Variants in SMIM35 observed in about 807,000 individuals in gnomAD.
SMIM35 encodes small integral membrane protein 35.
intron 2 of SMIM35, among the ~76,000 whole-genome samples, chr11:118,015,452 G>A (rs189470225): frequency 6.6e-6 from 1 of 152,234 alleles, no homozygotes; most frequent in East Asian, 1.9e-4. Flanking sequence ...GAGGGAGGAG[G>A]AAGCTGGCTG....
At chr11:118,009,216 AC>A (rs2058138640) in intron 4 of SMIM35, among the ~76,000 whole-genome samples, 1 of 151,896 alleles carries the variant, frequency 6.6e-6, no homozygotes, top group Non-Finnish European at 1.5e-5. Flanking sequence ...ACACAAGGAG[AC>A]CCCAAAAAGA....
rs2058113374 is a variant in SMIM35 at position 118,004,781 on chromosome 11, G to A, written c.*1629C>T. The A allele has an allele frequency of 1.3e-5, 2 of 152,228 alleles. No individual in the cohort carries two copies. The highest frequency in any genetic ancestry group is 2.1e-4 in the South Asian group (1 of 4,828). The allele number at this position is 152,228 out of a possible 1,614,324, so 9.4% of individuals were successfully genotyped here. ...ATCGAGTCACAGGAGCCACGGCTGTGTTTGGCATCTGTCTTGCAGAGCCCA... is the reference window on the plus strand; with the variant it reads ...ATCGAGTCACAGGAGCCACGGCTGTATTTGGCATCTGTCTTGCAGAGCCCA... On this transcript the variant is annotated 3_prime_UTR_variant, in exon 5 of 5. Coordinates refer to ENST00000689828, the MANE Select transcript of SMIM35 (RefSeq NM_001394165.1).
chr11:118,016,542 G>A (rs2058184888), intron 1 of SMIM35, among the ~76,000 whole-genome samples: 1 of 152,176 alleles, frequency 6.6e-6, no homozygotes, highest in African/African-American at 2.4e-5. Context: ...CAGGAGTGTG[G>A]AAGAATGGAG....
At chr11:118,029,883 A>C (rs1451269603) in intron 1 of SMIM35, 1 of 436,060 alleles carries the variant, frequency 2.3e-6, no homozygotes, top group Non-Finnish European at 4.6e-6. Context: ...CACATCACCA[A>C]GTGTTCTTTA....
At chr11:118,056,115 G>T (rs970091091) in intron 1 of SMIM35, among the ~76,000 whole-genome samples, 1 of 152,164 alleles carries the variant, frequency 6.6e-6, no homozygotes, top group African/African-American at 2.4e-5. Context: ...CGATCAAGTG[G>T]TGGATGGGGC....
chr11:118,019,229 T>C (rs1272585891), intron 1 of SMIM35, among the ~76,000 whole-genome samples: 1 of 152,222 alleles, frequency 6.6e-6, no homozygotes, highest in African/African-American at 2.4e-5. Context: ...GGGACCAGGT[T>C]TACTTTCCTA....
rs965261119 is a variant in SMIM35 at position 118,015,698 on chromosome 11, C to T, written c.119G>A (p.Trp40Ter). The T allele has an allele frequency of 7.5e-6, 3 of 399,182 alleles. No homozygotes were observed. Among genetic ancestry groups the T allele is most frequent in the African/African-American group, 6.2e-5 (3 of 48,628 alleles). The allele number at this position is 399,182 out of a possible 1,614,324, so 24.7% of individuals were successfully genotyped here. A position where few individuals can be genotyped will look rare whatever the true frequency, so the allele number is the denominator to read the frequency against. ...AGGGCCCAGTGCACACTCACCCTCC[C>T]AGCAGTACCCGCGCTGGTACCACTT... ...LAKWYQRGYC[W>*]EGPNFVFNLY... The change falls in exon 2 of 5, where the codon TGG becomes TAG. Residue 40 changes from tryptophan (W) to a stop codon, truncating the protein, a stop_gained. Transcript: ENST00000689828. LOFTEE classifies it high-confidence loss of function.
At chr11:118,078,262 G>A (rs1042208197) in intron 1 of SMIM35, among the ~76,000 whole-genome samples, 40 of 152,080 alleles carry the variant, frequency 2.6e-4, no homozygotes, top group Admixed American at 5.2e-4. Flanking sequence ...TGGGTCTGAG[G>A]AGGAACCCAG....
chr11:118,047,202 C>T (rs1289203601), intron 1 of SMIM35, among the ~76,000 whole-genome samples: 2 of 152,112 alleles, frequency 1.3e-5, no homozygotes, highest in Non-Finnish European at 2.9e-5. Flanking sequence ...TGTGCATCTG[C>T]GAGGGTCTAA....
chr11:118,024,330 C>G (rs1326888254), intron 1 of SMIM35, among the ~76,000 whole-genome samples: 3 of 152,138 alleles, frequency 2.0e-5, no homozygotes, highest in East Asian at 3.8e-4. Context: ...TCAACCGACC[C>G]TCCGTAAGAA....
At chr11:118,015,624 C>A (rs905822554) in intron 2 of SMIM35, 69 bp downstream of exon 2, 25 of 399,084 alleles carry the variant, frequency 6.3e-5, no homozygotes, top group African/African-American at 5.1e-4. Context: ...CCCTGCCGGG[C>A]ATTGCCAACT....
intron 1 of SMIM35, among the ~76,000 whole-genome samples, chr11:118,067,744 A>C (rs984026622): frequency 6.6e-6 from 1 of 151,196 alleles, no homozygotes; most frequent in South Asian, 2.1e-4. Flanking sequence ...AGGTGGGAGA[A>C]TCGCTTGAAC....
At chr11:118,017,717 G>A (rs1172726302) in intron 1 of SMIM35, among the ~76,000 whole-genome samples, 28 of 150,922 alleles carry the variant, frequency 1.9e-4, no homozygotes, top group Non-Finnish European at 7.3e-5. Flanking sequence ...ATTTATAAAG[G>A]AAAGAGGTTT....
In SMIM35 at chr11:118,082,716, A is replaced by G. The variant is rs563991899; in HGVS notation, c.7+4035T>C. ...GTTTCATACCCAATGCTGCTCAGGG[A>G]AAAAAAAACCCAAATTACCAGGAGA... On this transcript the variant is annotated intron_variant, in intron 1 of 4. Transcript: ENST00000689828. Among the ~76,000 whole-genome samples, 10 of 149,718 alleles carry G rather than the reference A, an allele frequency of 6.7e-5. No homozygotes were observed. The East Asian group carries it at 9.7e-4, about 14-fold the overall frequency.
At chr11:118,086,522 C>T (rs547547144) in intron 1 of SMIM35, among the ~76,000 whole-genome samples, 20 of 152,358 alleles carry the variant, frequency 1.3e-4, no homozygotes, top group African/African-American at 3.8e-4. Flanking sequence ...TGAATTTCTG[C>T]GTGAGAGCTT....
At chr11:118,023,210 G>A (rs143720401) in intron 1 of SMIM35, among the ~76,000 whole-genome samples, 2 of 152,038 alleles carry the variant, frequency 1.3e-5, no homozygotes, top group Non-Finnish European at 2.9e-5. Flanking sequence ...TGCAGCCTGG[G>A]TCTGAATCCT....
chr11:118,009,211 A>G (rs11216673), intron 4 of SMIM35, among the ~76,000 whole-genome samples: 8,711 of 152,230 alleles, frequency 0.057, 546 homozygotes, highest in East Asian at 0.35. Context: ...TCACCACACA[A>G]GGAGACCCCA....
chr11:118,081,357 G>A (rs1052965453), intron 1 of SMIM35, among the ~76,000 whole-genome samples: 1 of 152,144 alleles, frequency 6.6e-6, no homozygotes, highest in Admixed American at 6.5e-5. Flanking sequence ...GAGCCAATGT[G>A]GCAATCCCCC....
At position 118,076,512 on chromosome 11, in the gene SMIM35, G is replaced by A. The variant is rs182432655; in HGVS notation, c.7+10239C>T. ...TGACTCCGTGGACGAGGAGACGTGG[G>A]CTCTAGCCAGAGCACCAATAGTGAT... On this transcript the variant is annotated intron_variant, in intron 1 of 4. Transcript: ENST00000689828. 1.8e-3 allele frequency among the ~76,000 whole-genome samples: 267 copies of A among 152,110 alleles called. 2 individuals carry two copies. The highest frequency in any genetic ancestry group is 6.3e-3 in the African/African-American group (261 of 41,486).
Sources: gnomAD v4.1 joint callset for allele counts (sites outside exome capture counted in the v4.1 genomes callset) on GRCh38, gnomAD v4.1.1 for gene constraint, MANE v1.5 for transcripts, NCBI Gene and HGNC (gene_info 2026-07-23, HGNC 2026-07-21) for gene names.